Variants in TLK2 observed in about 807,000 individuals in gnomAD.
The protein encoded by TLK2 is serine/threonine-protein kinase tousled-like 2.
Under a neutral mutation model 117.3 loss-of-function variants are expected in TLK2, and 6 were observed. The observed-to-expected ratio is 0.05, with a 90% CI of 0.03 to 0.10. The LOEUF (loss-of-function observed/expected upper bound fraction) is 0.10, where lower values mean the gene tolerates loss of function less well. Ranked by LOEUF, TLK2 falls within the 10% of genes least tolerant of loss-of-function variation. The pLI is 1.00. For synonymous variants in TLK2, 257 were observed against 316.7 expected, an observed-to-expected ratio of 0.81 and a Z score of 2.00; for missense variants, 299 against 901.2, an observed-to-expected ratio of 0.33 and a Z score of 8.56.
At chr17:62,587,191 C>T (rs1011850831) in intron 16 of TLK2, among the ~76,000 whole-genome samples, 1 of 152,148 alleles carries the variant, frequency 6.6e-6, no homozygotes, top group Admixed American at 6.5e-5. Context: ...CAGGTTTTGC[C>T]TATATCTCCC....
chr17:62,569,266 C>T (rs1356366000), intron 11 of TLK2, among the ~76,000 whole-genome samples: 1 of 149,738 alleles, frequency 6.7e-6, no homozygotes, highest in Non-Finnish European at 1.5e-5. Context: ...CACGCCACTG[C>T]ACTCCAGCCT....
chr17:62,523,045 A>T (rs1462999868), intron 4 of TLK2, 89 bp from the exon 5 acceptor site: 1 of 1,301,090 alleles, frequency 7.7e-7, no homozygotes, highest in African/African-American at 1.5e-5. Flanking sequence ...ATAGCAATGT[A>T]TGTAGTTACT....
intron 6 of TLK2, among the ~76,000 whole-genome samples, chr17:62,527,071 T>A (rs1335804068): frequency 6.6e-6 from 1 of 152,200 alleles, no homozygotes; most frequent in Non-Finnish European, 1.5e-5. Context: ...CTGGCCTCCT[T>A]GAGCTCTGTG....
Position 62,481,200 on chromosome 17 carries a change from T to C in TLK2, c.75T>C (p.Val25=), listed in dbSNP as rs1485801822. 8 of 1,613,862 alleles carry C rather than the reference T, an allele frequency of 5.0e-6. No individual in the cohort carries two copies. Among genetic ancestry groups the C allele is most frequent in the Non-Finnish European group, 6.8e-6 (8 of 1,179,808 alleles). Residue 25 remains valine (V), a synonymous_variant, in exon 2 of 22, where the codon GTT becomes GTC. Coordinates refer to ENST00000346027, the MANE Select transcript of TLK2 (RefSeq NM_006852.6). ...LLEARFTGVG[V]SKGPLNSESS... is the part of the protein sequence containing the mutation. The stretch of plus-strand genomic sequence containing the variant: ...AGGCCAGGTTTACTGGAGTAGGTGT[T>C]AGTAAGGTGAGTAAAATGATGATCA...
At chr17:62,556,892 C>T (rs1184333893) in intron 9 of TLK2, among the ~76,000 whole-genome samples, 1 of 152,144 alleles carries the variant, frequency 6.6e-6, no homozygotes, top group Admixed American at 6.5e-5. Context: ...ATATTTCTGG[C>T]ATTTACTGCA....
intron 20 of TLK2, 73 bp from the exon 21 acceptor site, chr17:62,607,968 C>A: frequency 7.9e-7 from 1 of 1,258,986 alleles, no homozygotes; most frequent in Non-Finnish European, 1.1e-6. Flanking sequence ...CTTTTCCTTC[C>A]CTGGGGTATT....
intron 15 of TLK2, among the ~76,000 whole-genome samples, chr17:62,581,038 G>A (rs1164456606): frequency 6.6e-6 from 1 of 151,510 alleles, no homozygotes; most frequent in Non-Finnish European, 1.5e-5. Context: ...TTAGAGATGG[G>A]GTCTTGCTCT....
intron 1 of TLK2, among the ~76,000 whole-genome samples, chr17:62,471,888 CTTTTTT>C (rs869092720): frequency 3.7e-4 from 14 of 37,776 alleles, no homozygotes; most frequent in African/African-American, 1.2e-3. Context: ...GTAGTATAGT[CTTTTTT>C]TTTTTTTTTT....
intron 8 of TLK2, among the ~76,000 whole-genome samples, chr17:62,552,662 CT>C (rs77695614): frequency 0.075 from 10,398 of 139,094 alleles, 435 homozygotes; most frequent in South Asian, 0.2. Context: ...AACTGCACAC[CT>C]TTTTTTTTTT....
chr17:62,511,794 A>G (rs989740654), intron 2 of TLK2, among the ~76,000 whole-genome samples: 3 of 152,160 alleles, frequency 2.0e-5, no homozygotes, highest in Non-Finnish European at 4.4e-5. Flanking sequence ...GATATAGTAC[A>G]CTTTACTTAA....
intron 2 of TLK2, among the ~76,000 whole-genome samples, chr17:62,488,691 G>A (rs564679519): frequency 6.6e-6 from 1 of 152,174 alleles, no homozygotes; most frequent in Non-Finnish European, 1.5e-5. Flanking sequence ...TGAAATTCTA[G>A]TTTGGAAGTC....
intron 2 of TLK2, among the ~76,000 whole-genome samples, chr17:62,489,489 G>A (rs1034395293): frequency 3.9e-5 from 6 of 152,100 alleles, no homozygotes; most frequent in Admixed American, 2.6e-4. Flanking sequence ...GATTACAGGT[G>A]TGAGCTACTG....
At chr17:62,551,305 A>G (rs1289689398) in intron 7 of TLK2, among the ~76,000 whole-genome samples, 2 of 152,222 alleles carry the variant, frequency 1.3e-5, no homozygotes, top group Non-Finnish European at 2.9e-5. Flanking sequence ...CTGATGAGAT[A>G]GTAGTACTGT....
At position 62,501,141 on chromosome 17, in the gene TLK2, G is replaced by A. The variant is rs1466152328; in HGVS notation, c.82-19632G>A. Reference sequence around the variant, plus strand: ...TAGTCCCAGCTACATGGGAGGCTGAGGCAGGAGAATGGTGTGAACCTGGGA... The same window carrying A: ...TAGTCCCAGCTACATGGGAGGCTGAAGCAGGAGAATGGTGTGAACCTGGGA... On this transcript the variant is annotated intron_variant, in intron 2 of 21. Coordinates refer to ENST00000346027, the MANE Select transcript of TLK2 (RefSeq NM_006852.6). Among the ~76,000 whole-genome samples the A allele has an allele frequency of 2.6e-5, 4 of 152,202 alleles. No homozygotes were observed. In the East Asian group the frequency reaches 7.7e-4, roughly 29 times the overall value.
In TLK2 at chr17:62,585,940, C is replaced by T. The variant is rs2081577849; in HGVS notation, c.1369-195C>T. On this transcript the variant is annotated intron_variant, in intron 15 of 21. Transcript: ENST00000346027. ...GTTTTATGTTCTAAATCCCTTGGTG[C>T]CAGTGTGTCTGGAGACTTCTAAATT... 5 of 462,630 alleles carry T rather than the reference C, an allele frequency of 1.1e-5. No individual in the cohort carries two copies. The South Asian group carries it at 2.0e-4, about 19-fold the overall frequency. The allele number at this position is 462,630 out of a possible 1,614,324, so 28.7% of individuals were successfully genotyped here.
chr17:62,540,852 G>A (rs2077477300), intron 7 of TLK2, among the ~76,000 whole-genome samples: 1 of 152,054 alleles, frequency 6.6e-6, no homozygotes, highest in Admixed American at 6.5e-5. Context: ...TGAAACGTAA[G>A]TCCAGTCATG....
At chr17:62,502,315 C>T (rs1020251905) in intron 2 of TLK2, among the ~76,000 whole-genome samples, 3 of 152,056 alleles carry the variant, frequency 2.0e-5, no homozygotes, top group Admixed American at 2.0e-4. Context: ...GTAATAGTTA[C>T]CTAAAAAGCA....
chr17:62,608,983 CTATT>C (rs906926030), intron 21 of TLK2, among the ~76,000 whole-genome samples: 5 of 152,198 alleles, frequency 3.3e-5, no homozygotes, highest in Non-Finnish European at 7.3e-5. Context: ...TTATTTATCT[CTATT>C]TATTAACCAG....
At position 62,613,845 on chromosome 17, in the gene TLK2, G is replaced by C. The variant is rs2083950016; in HGVS notation, c.*1280G>C. 1 of 152,108 alleles carries C rather than the reference G, an allele frequency of 6.6e-6. No homozygotes were observed. The highest frequency in any genetic ancestry group is 1.5e-5 in the Non-Finnish European group (1 of 68,036). The allele number at this position is 152,108 out of a possible 1,614,324, so 9.4% of individuals were successfully genotyped here. A position where few individuals can be genotyped will look rare whatever the true frequency, so the allele number is the denominator to read the frequency against. ...ATCTGAAAAGAAATAGATATTTCAG[G>C]CCGGGCCTGGTGGTTCACGCCTGTA... On this transcript the variant is annotated 3_prime_UTR_variant, in exon 22 of 22. Coordinates refer to ENST00000346027, the MANE Select transcript of TLK2 (RefSeq NM_006852.6).
Sources: allele counts gnomAD v4.1 joint callset (sites outside exome capture counted in the v4.1 genomes callset), GRCh38; gene constraint gnomAD v4.1.1; transcripts MANE v1.5; gene names NCBI Gene and HGNC (gene_info 2026-07-23, HGNC 2026-07-21).